Variants in DENND5A observed in about 807,000 individuals in gnomAD.
DENND5A encodes the protein DENN domain-containing protein 5A.
A neutral mutation model predicts 140.3 loss-of-function variants in DENND5A; 64 were observed. The ratio of observed to expected loss-of-function variants is 0.46; its 90% confidence interval spans 0.37 to 0.56. DENND5A has a LOEUF of 0.56. Ranked by LOEUF, DENND5A falls within the 20% of genes least tolerant of loss-of-function variation. DENND5A has a pLI of 0.00. For synonymous variants in DENND5A, 605 were observed against 607.7 expected (o/e 1.00, Z 0.07); for missense variants, 1,292 against 1,593.8 (o/e 0.81, Z 3.22).
At position 9,203,871 on chromosome 11, in the gene DENND5A, G is replaced by A. The variant is rs770957072; in HGVS notation, c.738C>T (p.Asn246=). The A allele has an allele frequency of 6.2e-6, 10 of 1,614,136 alleles. No individual in the cohort carries two copies. The highest frequency in any genetic ancestry group is 5.9e-6 in the Non-Finnish European group (7 of 1,180,022). Reference sequence around the variant, plus strand: ...GTGGGAGCGGCACCTCGTAGAGTACGTTGTATATGTAGCTCTCAAGGGGCA... The same window carrying A: ...GTGGGAGCGGCACCTCGTAGAGTACATTGTATATGTAGCTCTCAAGGGGCA... ...PPLPLESYIY[N]VLYEVPLPPP... Residue 246 remains asparagine, a synonymous_variant, in exon 4 of 23, where the codon AAC becomes AAT. Coordinates refer to ENST00000328194, the MANE Select transcript of DENND5A (RefSeq NM_015213.4).
At position 9,178,813 on chromosome 11, in the gene DENND5A, G is replaced by GC. The variant is rs748685810; in HGVS notation, c.1671+44dup. 6.1e-6 allele frequency: 9 copies of GC among 1,480,576 alleles called. No individual in the cohort carries two copies. In the African/African-American group the frequency reaches 1.1e-4, roughly 18 times the overall value. 91.7% of individuals were successfully genotyped at this position (1,480,576 alleles called of 1,614,324 possible). ...CCATTACTTCTTCAAGACATAACTG[G>GC]CAAGTTCTCATTCCTCACCACCTCC... is the stretch of plus-strand genomic sequence containing the variant. On this transcript the variant is annotated intron_variant, in intron 7 of 22. Coordinates refer to ENST00000328194, the MANE Select transcript of DENND5A (RefSeq NM_015213.4).
chr11:9,194,905 G>C (rs137931864), intron 4 of DENND5A, among the ~76,000 whole-genome samples: 2 of 151,292 alleles, frequency 1.3e-5, no homozygotes, highest in Non-Finnish European at 2.9e-5. Context: ...TTTTGGTAGA[G>C]ACGGGGTTTC....
At chr11:9,191,793 C>T (rs1051798594) in intron 5 of DENND5A, among the ~76,000 whole-genome samples, 1 of 152,134 alleles carries the variant, frequency 6.6e-6, no homozygotes, top group African/African-American at 2.4e-5. Context: ...GCCTCTTTGG[C>T]CTTCCACCTT....
At chr11:9,189,856 T>A (rs766722501) in intron 5 of DENND5A, among the ~76,000 whole-genome samples, 2 of 152,120 alleles carry the variant, frequency 1.3e-5, no homozygotes, top group East Asian at 3.9e-4. Flanking sequence ...GTCAGGCTGG[T>A]CTTGAACTCC....
intron 1 of DENND5A, among the ~76,000 whole-genome samples, chr11:9,227,970 G>A (rs147890196): frequency 0.015 from 2,316 of 151,678 alleles, 49 homozygotes; most frequent in African/African-American, 0.045. Flanking sequence ...AAAATTAGCC[G>A]GGCATGGTGG....
chr11:9,227,173 TAAA>T (rs1564926877), intron 1 of DENND5A, among the ~76,000 whole-genome samples: 1 of 139,058 alleles, frequency 7.2e-6, no homozygotes, highest in African/African-American at 3.0e-5. Context: ...CATCTCAAAA[TAAA>T]TAAATAAATA....
chr11:9,232,228 G>C (rs139957749), intron 1 of DENND5A, among the ~76,000 whole-genome samples: 112 of 152,086 alleles, frequency 7.4e-4, no homozygotes, highest in Non-Finnish European at 1.5e-3. Context: ...AGAGAAAAAC[G>C]TATAAATTGT....
intron 22 of DENND5A, among the ~76,000 whole-genome samples, chr11:9,141,385 TAC>T (rs1251727665): frequency 6.6e-6 from 1 of 152,196 alleles, no homozygotes; most frequent in African/African-American, 2.4e-5. Context: ...ATGACAGGGA[TAC>T]AGTCTGAGAA....
chr11:9,170,952 A>C, intron 8 of DENND5A, 175 bp from the exon 9 acceptor site: 2 of 1,130,136 alleles, frequency 1.8e-6, no homozygotes, highest in Non-Finnish European at 2.4e-6. Flanking sequence ...ATAATATAAA[A>C]TGATAAACTT....
intron 1 of DENND5A, among the ~76,000 whole-genome samples, chr11:9,236,875 T>C (rs958914740): frequency 2.0e-5 from 3 of 152,230 alleles, no homozygotes; most frequent in East Asian, 3.8e-4. Flanking sequence ...TATTATTTCA[T>C]TGTGACTATG....
intron 3 of DENND5A, 108 bp from the exon 4 acceptor site, chr11:9,204,425 G>T: frequency 9.3e-7 from 1 of 1,070,108 alleles, no homozygotes; most frequent in Non-Finnish European, 1.3e-6. Context: ...AGCTGAGCGT[G>T]TATCTGGCTT....
intron 12 of DENND5A, among the ~76,000 whole-genome samples, chr11:9,156,589 T>G (rs374781939): frequency 5.3e-5 from 8 of 149,702 alleles, no homozygotes; most frequent in African/African-American, 2.0e-4. Context: ...ATCGCGCCAT[T>G]GCACTCCAGC....
At position 9,201,900 on chromosome 11, in the gene DENND5A, A is replaced by G. The variant is rs148531244; in HGVS notation, c.949+1760T>C. On this transcript the variant is annotated intron_variant, in intron 4 of 22. Coordinates refer to ENST00000328194, the MANE Select transcript of DENND5A (RefSeq NM_015213.4). ...ACTTACATGTTAATTACCAAGGGAAAAATTATAACTTTCCAGTTAAGAAAC... is the reference window on the plus strand; with the variant it reads ...ACTTACATGTTAATTACCAAGGGAAGAATTATAACTTTCCAGTTAAGAAAC... Among the ~76,000 whole-genome samples the G allele has an allele frequency of 3.0e-3, 464 of 152,318 alleles. 2 individuals carry two copies. The highest frequency in any genetic ancestry group is 0.01 in the African/African-American group (427 of 41,572).
chr11:9,226,412 G>T (rs906565728), intron 1 of DENND5A, among the ~76,000 whole-genome samples: 1 of 151,980 alleles, frequency 6.6e-6, no homozygotes, highest in Non-Finnish European at 1.5e-5. Flanking sequence ...CCTCTTAATC[G>T]ATTTGTTCTA....
At chr11:9,241,430 G>A (rs955807098) in intron 1 of DENND5A, among the ~76,000 whole-genome samples, 1 of 151,998 alleles carries the variant, frequency 6.6e-6, no homozygotes, top group East Asian at 1.9e-4. Flanking sequence ...ACCAGACAAC[G>A]AGAACCACTG....
At chr11:9,241,003 A>G (rs1851212615) in intron 1 of DENND5A, among the ~76,000 whole-genome samples, 1 of 152,190 alleles carries the variant, frequency 6.6e-6, no homozygotes, top group Non-Finnish European at 1.5e-5. Flanking sequence ...ACAGAGACTC[A>G]TCTTCCCTAG....
At chr11:9,193,206 A>C (rs1849200064) in intron 5 of DENND5A, among the ~76,000 whole-genome samples, 2 of 152,222 alleles carry the variant, frequency 1.3e-5, no homozygotes, top group African/African-American at 4.8e-5. Flanking sequence ...CAGCCTGGGT[A>C]ACACAGCAAG....
At chr11:9,157,180 A>G (rs944311632) in intron 12 of DENND5A, among the ~76,000 whole-genome samples, 1 of 152,236 alleles carries the variant, frequency 6.6e-6, no homozygotes. Context: ...GATTATATGT[A>G]TTCTACTCAC....
Position 9,169,878 on chromosome 11 carries a change from C to G in DENND5A, c.2129G>C (p.Arg710Pro). 6.2e-7 allele frequency: 1 copy of G among 1,612,570 alleles called. No homozygotes were observed. The highest frequency in any genetic ancestry group is 8.5e-7 in the Non-Finnish European group (1 of 1,178,604). ...DRQKQHTEHL[R>P]LDNDQREKYI... ...TACCTCCCTCTGGTCATTATCTAAA[C>G]GCAGGTGTTCTGTGTGCTGCTTCTG... Residue 710 changes from arginine (R) to proline (P), a missense_variant, in exon 10 of 23, where the codon CGT (arginine) becomes CCT (proline). Physicochemically the swap from Arg to Pro is moderately radical, Grantham distance 103 (BLOSUM62 -2). Around this residue, in one of 4 missense-constraint regions of DENND5A, gnomAD observed 199 missense variants for 189.1 expected, o/e 1.05. Transcript: ENST00000328194.
Sources: gnomAD v4.1 joint callset for allele counts (sites outside exome capture counted in the v4.1 genomes callset) on GRCh38, gnomAD v4.1.1 for gene constraint, gnomAD v4.1.1 regional missense constraint, MANE v1.5 for transcripts, NCBI Gene and HGNC (gene_info 2026-07-23, HGNC 2026-07-21) for gene names.